The following C1orf94 variants were observed in gnomAD, a reference collection of about 807,000 sequenced individuals.
C1orf94 encodes the protein chromosome 1 open reading frame 94, also known as uncharacterized protein C1orf94.
Under a neutral mutation model 53.6 loss-of-function variants are expected in C1orf94, and 45 were observed. The ratio of observed to expected loss-of-function variants is 0.84; its 90% CI spans 0.66 to 1.08. The LOEUF (loss-of-function observed/expected upper bound fraction) is 1.08, where lower values mean the gene tolerates loss of function less well. Ranked by LOEUF, C1orf94 falls within the 50% of genes least tolerant of loss-of-function variation. The probability of loss-of-function intolerance (pLI) is 0.00; values close to 1 mark genes in which losing one functional copy is unlikely to be tolerated. For synonymous variants in C1orf94, 304 were observed against 296.1 expected (o/e 1.03, Z -0.27); for missense variants, 762 against 738.9 (o/e 1.03, Z -0.36).
intron 4 of C1orf94, among the ~76,000 whole-genome samples, chr1:34,204,706 G>C (rs1642765317): frequency 6.6e-6 from 1 of 152,054 alleles, no homozygotes; most frequent in Non-Finnish European, 1.5e-5. Context: ...CCTACTAGAG[G>C]CTGAGCATTG....
chr1:34,167,893 G>C (rs965767154), intron 1 of C1orf94, among the ~76,000 whole-genome samples: 4 of 152,174 alleles, frequency 2.6e-5, no homozygotes, highest in Non-Finnish European at 4.4e-5. Context: ...TTGAAAAGAT[G>C]AAGATTCATT....
chr1:34,210,060 G>A (rs1642865501), intron 5 of C1orf94, among the ~76,000 whole-genome samples: 1 of 152,112 alleles, frequency 6.6e-6, no homozygotes, highest in African/African-American at 2.4e-5. Context: ...ATTATATTTG[G>A]AGATGGCTCC....
upstream of C1orf94, among the ~76,000 whole-genome samples, chr1:34,172,547 A>G (rs1642164498): frequency 6.6e-6 from 1 of 152,192 alleles, no homozygotes; most frequent in South Asian, 2.1e-4. Context: ...ATCAAGTAGT[A>G]GAGTAGGAAT....
At chr1:34,198,152 A>G (rs1315031954) in intron 2 of C1orf94, among the ~76,000 whole-genome samples, 1 of 152,226 alleles carries the variant, frequency 6.6e-6, no homozygotes, top group Non-Finnish European at 1.5e-5. Flanking sequence ...TGATCTCAAC[A>G]TACTTTGAGA....
At position 34,197,235 on chromosome 1, in the gene C1orf94, C is replaced by T. The variant is rs61741810; in HGVS notation, c.331C>T (p.Leu111Phe). 1.9e-3 allele frequency: 2,857 copies of T among 1,532,758 alleles called. 52 individuals are homozygous for T. In the African/African-American group the frequency reaches 0.035, roughly 19 times the overall value. The allele number at this position is 1,532,758 out of a possible 1,614,324, so 94.9% of individuals were successfully genotyped here. Residue 111 changes from leucine (L) to phenylalanine (F), a missense_variant, in exon 2 of 7, where the codon CTC (leucine) becomes TTC (phenylalanine). Coordinates refer to ENST00000488417, the MANE Select transcript of C1orf94 (RefSeq NM_001134734.2). This position sits in a 1 kb window ranked among gnomAD's most constrained non-coding sequence, Gnocchi z 4.1. ...ELSFQEEALELSSGKDEISLL... is the reference protein window; with the variant it reads ...ELSFQEEALEFSSGKDEISLL... ...CTGACCCATTTCCAGAGCTCTGGAGCTCAGCAGTGGCAAAGATGAGATCTC... is the reference window on the plus strand; with the variant it reads ...CTGACCCATTTCCAGAGCTCTGGAGTTCAGCAGTGGCAAAGATGAGATCTC...
upstream of C1orf94, among the ~76,000 whole-genome samples, chr1:34,176,889 C>T (rs1261913610): frequency 1.3e-5 from 2 of 150,640 alleles, no homozygotes; most frequent in Non-Finnish European, 3.0e-5. Context: ...GTCTTGGGCT[C>T]CGAACCCAGG....
chr1:34,201,639 A>T (rs1642709084), intron 3 of C1orf94, among the ~76,000 whole-genome samples: 1 of 152,240 alleles, frequency 6.6e-6, no homozygotes, highest in African/African-American at 2.4e-5. Flanking sequence ...AAAGTTTCTT[A>T]GTGTTGCCAA....
In C1orf94 at chr1:34,197,428, G is replaced by C. The variant is rs1642606659; in HGVS notation, c.524G>C (p.Arg175Thr). Reference sequence around the variant, plus strand: ...GTGGCAGGCAGTAATGAGCGCCCCAGAGCCTCCATCATTGTCGGAGACAAG... The same window carrying C: ...GTGGCAGGCAGTAATGAGCGCCCCACAGCCTCCATCATTGTCGGAGACAAG... ...PLVAGSNERP[R>T]ASIIVGDKLL... Residue 175 changes from arginine (R) to threonine (T), a missense_variant, in exon 2 of 7, where the codon AGA becomes ACA. Physicochemically the swap from Arg to Thr is moderately conservative, Grantham distance 71. Transcript: ENST00000488417. This position sits in a 1 kb window ranked among gnomAD's most constrained non-coding sequence, Gnocchi z 4.1. 6.2e-7 allele frequency: 1 copy of C among 1,613,862 alleles called. No homozygotes were observed. Among genetic ancestry groups the C allele is most frequent in the African/African-American group, 1.3e-5 (1 of 74,924 alleles).
intron 4 of C1orf94, 41 bp from the exon 5 acceptor site, chr1:34,208,116 A>C: frequency 1.6e-5 from 26 of 1,598,600 alleles, no homozygotes; most frequent in South Asian, 4.4e-5. Context: ...TCTGGCAGGA[A>C]ACCCCTTGCC....
chr1:34,198,060 G>A (rs982553179), intron 2 of C1orf94, 147 bp downstream of exon 2: 15 of 924,366 alleles, frequency 1.6e-5, no homozygotes, highest in Admixed American at 8.9e-5. Context: ...CCCGAGGGAC[G>A]GGCTGTTTCC....
At chr1:34,198,425 G>C (rs991806868) in intron 2 of C1orf94, among the ~76,000 whole-genome samples, 1 of 152,214 alleles carries the variant, frequency 6.6e-6, no homozygotes, top group Non-Finnish European at 1.5e-5. Context: ...AGTGCAGACT[G>C]TTGACTCTGG....
At chr1:34,193,835 G>A (rs569069773) in intron 1 of C1orf94, among the ~76,000 whole-genome samples, 174 of 152,322 alleles carry the variant, frequency 1.1e-3, no homozygotes, top group Non-Finnish European at 2.1e-3. Flanking sequence ...GATATCCTGC[G>A]GCAACCTTTC....
intron 4 of C1orf94, 137 bp downstream of exon 4, chr1:34,202,396 TG>T (rs1642726120): frequency 3.1e-6 from 3 of 954,554 alleles, no homozygotes; most frequent in South Asian, 3.6e-5. Flanking sequence ...GAGGCTTCGC[TG>T]GGGCTATGGA....
chr1:34,170,299 G>A (rs931404297), intron 1 of C1orf94, among the ~76,000 whole-genome samples: 2 of 152,184 alleles, frequency 1.3e-5, no homozygotes, highest in Non-Finnish European at 2.9e-5. Flanking sequence ...GTCCTCAGGG[G>A]GTTGAGAGTT....
intron 5 of C1orf94, 88 bp downstream of exon 5, chr1:34,208,322 T>G (rs1642833614): frequency 7.5e-7 from 1 of 1,339,440 alleles, no homozygotes; most frequent in Non-Finnish European, 1.0e-6. Flanking sequence ...CTTTTCCAGC[T>G]GGTGACCAGA....
intron 1 of C1orf94, among the ~76,000 whole-genome samples, chr1:34,193,882 C>G (rs189972208): frequency 6.6e-6 from 1 of 152,202 alleles, no homozygotes; most frequent in Non-Finnish European, 1.5e-5. Flanking sequence ...GGGGCGGGCC[C>G]ATATGTTCTT....
At chr1:34,184,813 T>A (rs757974083) in intron 1 of C1orf94, among the ~76,000 whole-genome samples, 2 of 152,182 alleles carry the variant, frequency 1.3e-5, no homozygotes, top group Non-Finnish European at 2.9e-5. Flanking sequence ...TTGGAATACA[T>A]AGCCTCTTTT....
chr1:34,187,651 G>C (rs1228074993), intron 1 of C1orf94, among the ~76,000 whole-genome samples: 2 of 150,602 alleles, frequency 1.3e-5, no homozygotes, highest in African/African-American at 4.9e-5. Flanking sequence ...CAAATGAAAA[G>C]TTTTAAAGAC....
intron 1 of C1orf94, among the ~76,000 whole-genome samples, chr1:34,188,134 A>T (rs1642416534): frequency 6.6e-6 from 1 of 152,172 alleles, no homozygotes; most frequent in African/African-American, 2.4e-5. Flanking sequence ...TATTTCTCCA[A>T]GGGTGCTGAG....
Sources: gnomAD v4.1 joint callset for allele counts (sites outside exome capture counted in the v4.1 genomes callset) on GRCh38, gnomAD v4.1.1 for gene constraint, Gnocchi (gnomAD v3.1) non-coding constraint, MANE v1.5 for transcripts, NCBI Gene and HGNC (gene_info 2026-07-23, HGNC 2026-07-21) for gene names.